The following ZRANB3 variants were observed in gnomAD, a reference collection of about 807,000 sequenced individuals.
The protein encoded by ZRANB3 is DNA annealing helicase and endonuclease ZRANB3.
In ZRANB3, 125 loss-of-function variants were observed where a neutral mutation model predicts 133.8. That is an observed-to-expected ratio of 0.93 (90% CI 0.81 to 1.08). ZRANB3 has a LOEUF of 1.08. ZRANB3 is among the 50% of genes least tolerant of loss of function. The probability of loss-of-function intolerance (pLI) is 0.00; values close to 1 mark genes in which losing one functional copy is unlikely to be tolerated. For synonymous variants in ZRANB3, 387 were observed against 432.7 expected (o/e 0.89, Z 1.31); for missense variants, 1,229 against 1,275.5 (o/e 0.96, Z 0.56).
chr2:135,369,900 C>T (rs1177927693), intron 3 of ZRANB3, among the ~76,000 whole-genome samples: 1 of 152,116 alleles, frequency 6.6e-6, no homozygotes, highest in Non-Finnish European at 1.5e-5. Context: ...TTAATGGTTC[C>T]TTCCACAATA....
At chr2:135,380,187 A>T (rs940623513) in intron 3 of ZRANB3, among the ~76,000 whole-genome samples, 2 of 152,164 alleles carry the variant, frequency 1.3e-5, no homozygotes, top group African/African-American at 4.8e-5. Flanking sequence ...CTACAAAGAG[A>T]CTTAGACTCC....
intron 6 of ZRANB3, among the ~76,000 whole-genome samples, chr2:135,331,639 C>T (rs1684144760): frequency 6.6e-6 from 1 of 152,096 alleles, no homozygotes; most frequent in Non-Finnish European, 1.5e-5. Context: ...CTAATATTGA[C>T]AGTGGGGTGT....
At chr2:135,269,685 C>T (rs1206555705) in intron 10 of ZRANB3, among the ~76,000 whole-genome samples, 2 of 152,148 alleles carry the variant, frequency 1.3e-5, no homozygotes, top group Non-Finnish European at 2.9e-5. Flanking sequence ...ACTGCATTTT[C>T]ATGAATTTGA....
At chr2:135,453,435 T>A (rs1690362646) in intron 2 of ZRANB3, among the ~76,000 whole-genome samples, 1 of 152,256 alleles carries the variant, frequency 6.6e-6, no homozygotes, top group African/African-American at 2.4e-5. Context: ...TACTGCATCA[T>A]CAGGCTGCAA....
At chr2:135,435,977 G>T (rs1689515758) in intron 2 of ZRANB3, among the ~76,000 whole-genome samples, 1 of 151,942 alleles carries the variant, frequency 6.6e-6, no homozygotes, top group Admixed American at 6.6e-5. Context: ...TGTGTAGGTT[G>T]TAAGTTTAAT....
At chr2:135,285,521 C>G (rs1681312435) in intron 8 of ZRANB3, among the ~76,000 whole-genome samples, 1 of 152,172 alleles carries the variant, frequency 6.6e-6, no homozygotes, top group African/African-American at 2.4e-5. Flanking sequence ...TTATACCTCA[C>G]TGAATATTAT....
At chr2:135,235,511 T>C (rs1280245652) in intron 12 of ZRANB3, among the ~76,000 whole-genome samples, 1 of 152,164 alleles carries the variant, frequency 6.6e-6, no homozygotes, top group Non-Finnish European at 1.5e-5. Context: ...CCAATATCCC[T>C]GATGAACATT....
chr2:135,516,564 T>C (rs1693706718), intron 1 of ZRANB3, among the ~76,000 whole-genome samples: 1 of 152,174 alleles, frequency 6.6e-6, no homozygotes, highest in Non-Finnish European at 1.5e-5. Flanking sequence ...GGGTTGAAAA[T>C]CCTTTTCCTT....
At chr2:135,511,012 G>A (rs1432944516) in intron 1 of ZRANB3, 13 of 781,606 alleles carry the variant, frequency 1.7e-5, no homozygotes, top group Non-Finnish European at 2.9e-5. Context: ...CTTTGGGGAG[G>A]AATATTTCTT....
intron 12 of ZRANB3, among the ~76,000 whole-genome samples, chr2:135,231,589 G>A (rs1488409766): frequency 2.6e-5 from 4 of 152,076 alleles, no homozygotes; most frequent in Admixed American, 6.5e-5. Context: ...GTGAAACCCC[G>A]TCACTACAAA....
chr2:135,262,028 C>T (rs1345684209), intron 12 of ZRANB3, among the ~76,000 whole-genome samples: 4 of 151,738 alleles, frequency 2.6e-5, no homozygotes, highest in African/African-American at 7.3e-5. Flanking sequence ...GGCGTGGTGG[C>T]GTGTGCCTGT....
chr2:135,506,493 G>A (rs567635349), intron 1 of ZRANB3, among the ~76,000 whole-genome samples: 1 of 152,214 alleles, frequency 6.6e-6, no homozygotes, highest in African/African-American at 2.4e-5. Flanking sequence ...ATACAGCCTT[G>A]ATAATAACTT....
At chr2:135,340,198 T>C (rs1346825915) in intron 6 of ZRANB3, among the ~76,000 whole-genome samples, 1 of 148,212 alleles carries the variant, frequency 6.7e-6, no homozygotes, top group African/African-American at 2.5e-5. Flanking sequence ...CTCCGCCTCC[T>C]CAGTTCTAGT....
rs191490464 is a variant in ZRANB3 at position 135,278,561 on chromosome 2, G to A, written c.967-2806C>T. 2.6e-5 allele frequency among the ~76,000 whole-genome samples: 4 copies of A among 152,270 alleles called. No homozygotes were observed. In the East Asian group the frequency reaches 7.7e-4, roughly 29 times the overall value. Reference sequence around the variant, plus strand: ...CTAAAGAGTAACAGTTCAGACTGGAGCTAATCAGAAGGAATCAGGTGAAAT... The same window carrying A: ...CTAAAGAGTAACAGTTCAGACTGGAACTAATCAGAAGGAATCAGGTGAAAT... On this transcript the variant is annotated intron_variant, in intron 8 of 20. Coordinates refer to ENST00000264159, the MANE Select transcript of ZRANB3 (RefSeq NM_032143.4).
chr2:135,372,469 A>G (rs1275151745), intron 3 of ZRANB3, among the ~76,000 whole-genome samples: 1 of 152,160 alleles, frequency 6.6e-6, no homozygotes, highest in African/African-American at 2.4e-5. Flanking sequence ...GGTGGGTGGT[A>G]GAAGGCATGG....
At chr2:135,521,639 G>A (rs1037529500) in intron 1 of ZRANB3, among the ~76,000 whole-genome samples, 2 of 152,066 alleles carry the variant, frequency 1.3e-5, no homozygotes, top group African/African-American at 2.4e-5. Flanking sequence ...CAAGCCCAGG[G>A]GAAATGACAG....
intron 3 of ZRANB3, among the ~76,000 whole-genome samples, chr2:135,374,401 A>G (rs1686326180): frequency 6.6e-6 from 1 of 152,050 alleles, no homozygotes; most frequent in Non-Finnish European, 1.5e-5. Context: ...GCAAGACTAC[A>G]CTAAACAAAC....
At chr2:135,279,094 C>T (rs1489711021) in intron 8 of ZRANB3, among the ~76,000 whole-genome samples, 1 of 151,846 alleles carries the variant, frequency 6.6e-6, no homozygotes, top group Non-Finnish European at 1.5e-5. Flanking sequence ...AAAAAAAAAT[C>T]AGCTGAAAGA....
intron 6 of ZRANB3, among the ~76,000 whole-genome samples, chr2:135,341,038 T>C (rs995444033): frequency 6.7e-6 from 1 of 149,768 alleles, no homozygotes; most frequent in Admixed American, 6.6e-5. Context: ...ATTGATTGAT[T>C]GATTTTGAGA....
Sources: allele counts gnomAD v4.1 joint callset (sites outside exome capture counted in the v4.1 genomes callset), GRCh38; gene constraint gnomAD v4.1.1; transcripts MANE v1.5; gene names NCBI Gene and HGNC (gene_info 2026-07-23, HGNC 2026-07-21).